The following CBX6 variants were observed in gnomAD, a reference collection of about 807,000 sequenced individuals.
The protein encoded by CBX6 is chromobox protein homolog 6.
A neutral mutation model predicts 28.4 loss-of-function variants in CBX6; 7 were observed. That is an observed-to-expected ratio of 0.25 (90% CI 0.14 to 0.46). The LOEUF (loss-of-function observed/expected upper bound fraction) is 0.46. CBX6 is among the 20% of genes least tolerant of loss of function. The probability of loss-of-function intolerance (pLI) is 0.99; values close to 1 mark genes in which losing one functional copy is unlikely to be tolerated. For synonymous variants in CBX6, 297 were observed against 273.4 expected (o/e 1.09, Z -0.85); for missense variants, 512 against 606.1 (o/e 0.84, Z 1.63).
At position 38,866,365 on chromosome 22, in the gene CBX6, C is replaced by T. The variant is rs1227614093; in HGVS notation, c.1083G>A (p.Glu361=). 1 of 1,613,726 alleles carries T rather than the reference C, an allele frequency of 6.2e-7. No homozygotes were observed. The highest frequency in any genetic ancestry group is 1.3e-5 in the African/African-American group (1 of 75,068). The change falls in exon 5 of 5, where the codon GAG becomes GAA. Residue 361 remains glutamate (E), a synonymous_variant. Coordinates refer to ENST00000407418, the MANE Select transcript of CBX6 (RefSeq NM_014292.5). The surrounding 1 kb of genome is among the most constrained non-coding windows in gnomAD (Gnocchi z 7.5). ...CGACCACATTGGAGCAGGGTGACAT[C>T]TCGGGGCGCCAGTCCCCAGCCTCGG... is the stretch of plus-strand genomic sequence containing the variant. ...SEPEAGDWRP[E]MSPCSNVVVT...
chr22:38,870,301 C>G lies in CBX6; in HGVS notation c.246+1179G>C, dbSNP rs1256102623. On this transcript the variant is annotated intron_variant, in intron 4 of 4. Coordinates refer to ENST00000407418, the MANE Select transcript of CBX6 (RefSeq NM_014292.5). This position sits in a 1 kb window ranked among gnomAD's most constrained non-coding sequence, Gnocchi z 4.3. ...AAAGGAGATAATCCATGTGGGGGCT[C>G]AGCCCTGTATTAGGCCCACAGCCAG... 4 of 152,240 alleles carry G rather than the reference C, an allele frequency of 2.6e-5. No individual in the cohort carries two copies. The highest frequency in any genetic ancestry group is 9.6e-5 in the African/African-American group (4 of 41,454). The allele number at this position is 152,240 out of a possible 1,614,324, so 9.4% of individuals were successfully genotyped here.
rs1271998436 is a variant in CBX6, at chr22:38,865,737, G to A, written c.*472C>T. 1.2e-5 allele frequency: 2 copies of A among 165,264 alleles called. No individual in the cohort carries two copies. Among genetic ancestry groups the A allele is most frequent in the Non-Finnish European group, 2.6e-5 (2 of 75,576 alleles). The allele number at this position is 165,264 out of a possible 1,614,324, so 10.2% of individuals were successfully genotyped here. ...GGAGCCGAGTCAGGCCTCATCCTTG[G>A]CCTCTGCCTGGGACTTTGCCAAACA... is the stretch of plus-strand genomic sequence containing the variant. On this transcript the variant is annotated 3_prime_UTR_variant, in exon 5 of 5. Coordinates refer to ENST00000407418, the MANE Select transcript of CBX6 (RefSeq NM_014292.5).
Position 38,866,333 on chromosome 22 carries a change from T to C in CBX6, c.1115A>G (p.Asp372Gly). The stretch of plus-strand genomic sequence containing the variant: ...GACCGTCAGGAGGTTGCTGGTGACA[T>C]CGGTGACGACCACATTGGAGCAGGG... ...MSPCSNVVVT[D>G]VTSNLLTVTI... Residue 372 changes from aspartate (D) to glycine (G), a missense_variant, in exon 5 of 5, where the codon GAT becomes GGT. Transcript: ENST00000407418. This position sits in a 1 kb window ranked among gnomAD's most constrained non-coding sequence, Gnocchi z 7.5. 1.9e-6 allele frequency: 3 copies of C among 1,613,714 alleles called. No homozygotes were observed. The highest frequency in any genetic ancestry group is 2.5e-6 in the Non-Finnish European group (3 of 1,179,956).
chr22:38,871,044 T>TG lies in CBX6; in HGVS notation c.246+435dup. On this transcript the variant is annotated intron_variant, in intron 4 of 4. Transcript: ENST00000407418. The surrounding 1 kb of genome is among the most constrained non-coding windows in gnomAD (Gnocchi z 5.6). ...TCCTGAAAGACTGAACGGGGGAAGCTGGGGGCAGGGAGGCAGGTGGTCCCC... is the reference window on the plus strand; with the variant it reads ...TCCTGAAAGACTGAACGGGGGAAGCTGGGGGGCAGGGAGGCAGGTGGTCCCC... The TG allele has an allele frequency of 5.6e-6, 1 of 178,184 alleles. No individual in the cohort carries two copies. The highest frequency in any genetic ancestry group is 1.2e-4 in the South Asian group (1 of 8,480). 11.0% of individuals were successfully genotyped at this position (178,184 alleles called of 1,614,324 possible).
Position 38,862,694 on chromosome 22 carries a change from C to T in CBX6, c.*3515G>A, listed in dbSNP as rs535681340. The stretch of plus-strand genomic sequence containing the variant: ...GCTGGTAGCAGTCCAGCCCCCTGGC[C>T]AACCCAGCTCCCTGTTGGGGCTGAC... On this transcript the variant is annotated 3_prime_UTR_variant, in exon 5 of 5. Transcript: ENST00000407418. The T allele has an allele frequency of 6.6e-6, 1 of 152,274 alleles. No homozygotes were observed. Among genetic ancestry groups the T allele is most frequent in the African/African-American group, 2.4e-5 (1 of 41,462 alleles). 9.4% of individuals were successfully genotyped at this position (152,274 alleles called of 1,614,324 possible).
intron 4 of CBX6, among the ~76,000 whole-genome samples, chr22:38,869,420 G>A (rs1181074541): frequency 6.6e-6 from 1 of 152,094 alleles, no homozygotes; most frequent in Non-Finnish European, 1.5e-5. Flanking sequence ...GAGAGTACAT[G>A]GCACCTGCTC....
chr22:38,867,228 G>GGTGGGGGCC, intron 4 of CBX6, 27 bp from the exon 5 acceptor site: 1 of 518,866 alleles, frequency 1.9e-6, no homozygotes. Context: ...GGGTGGGTGG[G>GGTGGGGGCC]ACCTCAGGAC....
Position 38,870,375 on chromosome 22 carries a change from A to G in CBX6, c.246+1105T>C, listed in dbSNP as rs949777157. On this transcript the variant is annotated intron_variant, in intron 4 of 4. Transcript: ENST00000407418. The surrounding 1 kb of genome is among the most constrained non-coding windows in gnomAD (Gnocchi z 4.3). ...AGAAAAAAAGGCGTTCTGTGTATCA[A>G]TGCTCATGGTCATACTCGCTTCGCC... The G allele has an allele frequency of 2.0e-5, 3 of 152,240 alleles. No individual in the cohort carries two copies. Among genetic ancestry groups the G allele is most frequent in the Admixed American group, 2.0e-4 (3 of 15,280 alleles). 9.4% of individuals were successfully genotyped at this position (152,240 alleles called of 1,614,324 possible). A position where few individuals can be genotyped will look rare whatever the true frequency, so the allele number is the denominator to read the frequency against.
rs962334479 is a variant in CBX6 at position 38,868,776 on chromosome 22, C to T, written c.247-1575G>A. ...TGGGATCTGTTGTGAGGTCTCTCTA[C>T]CTCCCACTCCCCACAGCATTGGATG... On this transcript the variant is annotated intron_variant, in intron 4 of 4. Coordinates refer to ENST00000407418, the MANE Select transcript of CBX6 (RefSeq NM_014292.5). Among the ~76,000 whole-genome samples, 3 of 152,154 alleles carry T rather than the reference C, an allele frequency of 2.0e-5. No individual in the cohort carries two copies. In the East Asian group the frequency reaches 5.8e-4, roughly 29 times the overall value.
At chr22:38,868,233 T>C (rs576446088) in intron 4 of CBX6, among the ~76,000 whole-genome samples, 37 of 152,328 alleles carry the variant, frequency 2.4e-4, no homozygotes, top group African/African-American at 8.4e-4. Context: ...CAGGCACCAG[T>C]TGCTTGGGGT....
At position 38,865,901 on chromosome 22, in the gene CBX6, AAGCT is replaced by A; in HGVS notation, c.*304_*307del. Reference sequence around the variant, plus strand: ...GACGCCGCACAGGAGAGCAGGAAGCAAGCTAGAGAGACAGGTGGGATGTGGAAGG... The same window carrying A: ...GACGCCGCACAGGAGAGCAGGAAGCAAGAGAGACAGGTGGGATGTGGAAGG... On this transcript the variant is annotated 3_prime_UTR_variant, in exon 5 of 5. Coordinates refer to ENST00000407418, the MANE Select transcript of CBX6 (RefSeq NM_014292.5). 1 of 394,232 alleles carries A rather than the reference AAGCT, an allele frequency of 2.5e-6. No individual in the cohort carries two copies. Among genetic ancestry groups the A allele is most frequent in the Non-Finnish European group, 4.6e-6 (1 of 218,518 alleles). 24.4% of individuals were successfully genotyped at this position (394,232 alleles called of 1,614,324 possible).
Position 38,866,890 on chromosome 22 carries a change from G to T in CBX6, c.558C>A (p.Gly186=). ...CGGCCCCCTGCCCGGCGCCCCCGCC[G>T]CCAGCGCCCTTGTCGATCACCTTCA... ...LNLKVIDKGA[G]GGGAGQGAGA... Residue 186 remains glycine (G), a synonymous_variant, in exon 5 of 5, where the codon GGC becomes GGA. Coordinates refer to ENST00000407418, the MANE Select transcript of CBX6 (RefSeq NM_014292.5). The surrounding 1 kb of genome is among the most constrained non-coding windows in gnomAD (Gnocchi z 7.5). The T allele has an allele frequency of 1.9e-6, 3 of 1,596,444 alleles. No homozygotes were observed. Among genetic ancestry groups the T allele is most frequent in the Non-Finnish European group, 2.6e-6 (3 of 1,173,042 alleles).
Position 38,866,498 on chromosome 22 carries a change from A to G in CBX6, c.950T>C (p.Leu317Pro). ...WREPEVLDLSLPPESAATSKR... is the reference protein window; with the variant it reads ...WREPEVLDLSPPPESAATSKR... Reference sequence around the variant, plus strand: ...GCTGGTGGCTGCCGACTCGGGAGGGAGGGACAGGTCGAGCACCTCCGGCTC... The same window carrying G: ...GCTGGTGGCTGCCGACTCGGGAGGGGGGGACAGGTCGAGCACCTCCGGCTC... The change falls in exon 5 of 5, where the codon CTC becomes CCC. Residue 317 changes from leucine to proline, a missense_variant. Around this residue, in one of 7 missense-constraint regions of CBX6, gnomAD observed 290 missense variants for 274.1 expected, o/e 1.06. Transcript: ENST00000407418. The surrounding 1 kb of genome is among the most constrained non-coding windows in gnomAD (Gnocchi z 7.5). 1 of 1,591,696 alleles carries G rather than the reference A, an allele frequency of 6.3e-7. No individual in the cohort carries two copies. Among genetic ancestry groups the G allele is most frequent in the Non-Finnish European group, 8.5e-7 (1 of 1,174,554 alleles).
intron 4 of CBX6, among the ~76,000 whole-genome samples, chr22:38,868,082 G>T (rs1201174236): frequency 6.6e-6 from 1 of 152,182 alleles, no homozygotes; most frequent in Non-Finnish European, 1.5e-5. Flanking sequence ...AAAGCCACAG[G>T]GCTCTCAAGA....
At chr22:38,868,739 G>A (rs2093176020) in intron 4 of CBX6, among the ~76,000 whole-genome samples, 1 of 152,118 alleles carries the variant, frequency 6.6e-6, no homozygotes, top group Non-Finnish European at 1.5e-5. Context: ...TGGTCTGTGA[G>A]GTCCATGAGG....
Position 38,866,110 on chromosome 22 carries a change from G to T in CBX6, c.*99C>A, listed in dbSNP as rs906350413. ...CACCGAGCCATTTGAGACAAGCAAA[G>T]CACAGGGAGAGAGGGCTGGGGGCAA... On this transcript the variant is annotated 3_prime_UTR_variant, in exon 5 of 5. Transcript: ENST00000407418. This position sits in a 1 kb window ranked among gnomAD's most constrained non-coding sequence, Gnocchi z 7.5. 2.2e-6 allele frequency: 2 copies of T among 916,566 alleles called. No homozygotes were observed. The highest frequency in any genetic ancestry group is 1.7e-5 in the South Asian group (1 of 59,994). 56.8% of individuals were successfully genotyped at this position (916,566 alleles called of 1,614,324 possible).
In CBX6 at chr22:38,872,071, GC is replaced by G; in HGVS notation, c.69+50del. 3.9e-6 allele frequency: 5 copies of G among 1,292,418 alleles called. No individual in the cohort carries two copies. In the South Asian group the frequency reaches 6.3e-5, roughly 16 times the overall value. 80.1% of individuals were successfully genotyped at this position (1,292,418 alleles called of 1,614,324 possible). A position where few individuals can be genotyped will look rare whatever the true frequency, so the allele number is the denominator to read the frequency against. On this transcript the variant is annotated intron_variant, in intron 1 of 4. Coordinates refer to ENST00000407418, the MANE Select transcript of CBX6 (RefSeq NM_014292.5). This position sits in a 1 kb window ranked among gnomAD's most constrained non-coding sequence, Gnocchi z 5.0. ...GACCGCTTCGCCCCGAGGGCCCCCG[GC>G]CCCGGCCCCGGCTGCGGACAGCGGC...
At chr22:38,869,717 A>G (rs1443380930) in intron 4 of CBX6, 1 of 152,156 alleles carries the variant, frequency 6.6e-6, no homozygotes, top group African/African-American at 2.4e-5. Flanking sequence ...GGGCTTGGCA[A>G]GCACCGTAGA....
At position 38,866,711 on chromosome 22, in the gene CBX6, G is replaced by A. The variant is rs2093171026; in HGVS notation, c.737C>T (p.Ser246Phe). 2 of 1,572,544 alleles carry A rather than the reference G, an allele frequency of 1.3e-6. No individual in the cohort carries two copies. The highest frequency in any genetic ancestry group is 1.8e-5 in the Admixed American group (1 of 54,854). The change falls in exon 5 of 5, where the codon TCC becomes TTC. Residue 246 changes from serine (S) to phenylalanine (F), a missense_variant. Physicochemically the swap from Ser to Phe is radical, Grantham distance 155. This residue lies in a region of CBX6 where 290 missense variants were observed against 274.1 expected (regional missense o/e 1.06). Coordinates refer to ENST00000407418, the MANE Select transcript of CBX6 (RefSeq NM_014292.5). The surrounding 1 kb of genome is among the most constrained non-coding windows in gnomAD (Gnocchi z 7.5). ...GGCTGAGGCCTCAGCCTTGCCGGGG[G>A]ACGGGGCTACCAGGGGGGCGGGCGG... is the stretch of plus-strand genomic sequence containing the variant. ...KPPPAPLVAPSPGKAEASAPG... is the reference protein window; with the variant it reads ...KPPPAPLVAPFPGKAEASAPG...
Sources: allele counts gnomAD v4.1 joint callset (sites outside exome capture counted in the v4.1 genomes callset), GRCh38; gene constraint gnomAD v4.1.1; regional missense constraint gnomAD v4.1.1; non-coding constraint Gnocchi (gnomAD v3.1); transcripts MANE v1.5; gene names NCBI Gene and HGNC (gene_info 2026-07-23, HGNC 2026-07-21).